The following HPSE2 variants were observed in gnomAD, a reference collection of about 807,000 sequenced individuals.
HPSE2 encodes heparanase 2 (inactive), also known as inactive heparanase-2.
A neutral mutation model predicts 60.5 loss-of-function variants in HPSE2; 38 were observed. The observed-to-expected ratio is 0.63, with a 90% confidence interval of 0.48 to 0.82. HPSE2 has a LOEUF of 0.82. HPSE2 is among the 40% of genes least tolerant of loss of function. The pLI, the probability that HPSE2 is intolerant of heterozygous loss-of-function variation, is 0.00. For missense variants in HPSE2, 713 were observed against 740.4 expected (o/e 0.96, Z 0.43); for synonymous variants, 295 against 293.2 (o/e 1.01, Z -0.06).
rs555128857 is a variant in HPSE2 at position 98,807,953 on chromosome 10, T to A, written c.611-63897A>T. On this transcript the variant is annotated intron_variant, in intron 3 of 11. Transcript: ENST00000370552. Reference sequence around the variant, plus strand: ...TGAAGGACACAGGAAAATGCTGACTTCTTCTAGGTCACTGCTCAACCTATG... The same window carrying A: ...TGAAGGACACAGGAAAATGCTGACTACTTCTAGGTCACTGCTCAACCTATG... Among the ~76,000 whole-genome samples the A allele has an allele frequency of 3.3e-5, 5 of 152,212 alleles. No individual in the cohort carries two copies. In the South Asian group the frequency reaches 1.0e-3, roughly 32 times the overall value.
chr10:98,851,588 T>G (rs1952175161), intron 3 of HPSE2, among the ~76,000 whole-genome samples: 1 of 152,206 alleles, frequency 6.6e-6, no homozygotes, highest in South Asian at 2.1e-4. Context: ...TTCACCACTG[T>G]GTCTTCTTTC....
At chr10:98,591,011 G>C (rs1286700287) in intron 9 of HPSE2, among the ~76,000 whole-genome samples, 2 of 152,084 alleles carry the variant, frequency 1.3e-5, no homozygotes, top group African/African-American at 4.8e-5. Flanking sequence ...CAGTCAACAA[G>C]GGATGTAAAT....
At chr10:98,704,107 T>A (rs1057440042) in intron 5 of HPSE2, among the ~76,000 whole-genome samples, 3 of 152,234 alleles carry the variant, frequency 2.0e-5, no homozygotes, top group Admixed American at 1.3e-4. Context: ...ATCACAAGCA[T>A]TCCTATACAC....
intron 9 of HPSE2, among the ~76,000 whole-genome samples, chr10:98,568,239 T>C (rs669987): frequency 0.85 from 129,328 of 152,206 alleles, 56,214 homozygotes; most frequent in East Asian, 1. Flanking sequence ...AAATGAGTCC[T>C]GGGTGAAGTC....
intron 11 of HPSE2, chr10:98,461,629 G>A: frequency 1.6e-6 from 1 of 636,002 alleles, no homozygotes; most frequent in Non-Finnish European, 2.7e-6. Flanking sequence ...CCAGATATAA[G>A]CACAGTCAAA....
At chr10:99,273,221 G>A in the HPSE2 span, among the ~76,000 whole-genome samples, 1 of 152,136 alleles carries the variant, frequency 6.6e-6, no homozygotes, top group African/African-American at 2.4e-5. Flanking sequence ...AAGTTGTGAG[G>A]ATGCAAAGGC....
At chr10:98,611,454 G>A (rs534262191) in intron 9 of HPSE2, among the ~76,000 whole-genome samples, 64 of 152,302 alleles carry the variant, frequency 4.2e-4, no homozygotes, top group African/African-American at 1.5e-3. Context: ...TTATTCAAAA[G>A]CACTAGTTTT....
chr10:99,232,456 G>C lies in HPSE2; in HGVS notation c.340C>G (p.Arg114Gly). 1 of 1,559,008 alleles carries C rather than the reference G, an allele frequency of 6.4e-7. No individual in the cohort carries two copies. Among genetic ancestry groups the C allele is most frequent in the South Asian group, 1.2e-5 (1 of 84,594 alleles). ...AAGTCGGTCCTTTTGCCCCCGAAGC[G>C]CAGAAAGGCGGGCGAAAGTCCCCGG... ...LARGLSPAFL[R>G]FGGKRTDFLQ... Residue 114 changes from arginine to glycine, a missense_variant, in exon 2 of 12, where the codon CGC (arginine) becomes GGC (glycine). Arg to Gly is a moderately radical substitution (Grantham distance 125, BLOSUM62 -2). Transcript: ENST00000370552.
At chr10:99,242,566 C>T in the HPSE2 span, among the ~76,000 whole-genome samples, 2 of 152,202 alleles carry the variant, frequency 1.3e-5, no homozygotes, top group East Asian at 3.9e-4. Context: ...ATTAAAATTA[C>T]TCATGTCTTA....
At chr10:99,256,111 C>T in the HPSE2 span, among the ~76,000 whole-genome samples, 1 of 151,592 alleles carries the variant, frequency 6.6e-6, no homozygotes, top group African/African-American at 2.4e-5. Flanking sequence ...GAGATCTGCC[C>T]CCATGATCCA....
the HPSE2 span, among the ~76,000 whole-genome samples, chr10:99,272,193 CCGGGAGGTAGAGGTTG>C: frequency 6.6e-6 from 1 of 151,486 alleles, no homozygotes; most frequent in South Asian, 2.1e-4. Context: ...TTGCTTGAAC[CCGGGAGGTAGAGGTTG>C]CAGTGAGCCC....
intron 3 of HPSE2, among the ~76,000 whole-genome samples, chr10:98,842,085 C>T (rs1951928054): frequency 1.3e-5 from 2 of 152,150 alleles, no homozygotes; most frequent in South Asian, 2.1e-4. Flanking sequence ...GGATTACAGG[C>T]GTGCCACCGC....
At chr10:98,513,242 A>G (rs1273766647) in intron 9 of HPSE2, among the ~76,000 whole-genome samples, 1 of 152,114 alleles carries the variant, frequency 6.6e-6, no homozygotes, top group Non-Finnish European at 1.5e-5. Flanking sequence ...CTATGGCTGG[A>G]CTTTAGGTAA....
intron 9 of HPSE2, among the ~76,000 whole-genome samples, chr10:98,561,164 T>TG (rs1442981058): frequency 1.2e-4 from 6 of 49,410 alleles, no homozygotes; most frequent in Admixed American, 3.2e-4. Context: ...TTTTTTTTTT[T>TG]GTTCTTTTTT....
At chr10:98,763,432 G>A (rs1950050242) in intron 3 of HPSE2, among the ~76,000 whole-genome samples, 1 of 151,482 alleles carries the variant, frequency 6.6e-6, no homozygotes, top group South Asian at 2.1e-4. Context: ...TTAAATCCAA[G>A]TATAAAGAAA....
chr10:99,262,328 C>T, the HPSE2 span, among the ~76,000 whole-genome samples: 1 of 152,174 alleles, frequency 6.6e-6, no homozygotes, highest in East Asian at 1.9e-4. Flanking sequence ...GTTATCCCTA[C>T]CTGCCCAGCT....
intron 7 of HPSE2, among the ~76,000 whole-genome samples, chr10:98,628,620 A>G (rs1298725259): frequency 8.5e-5 from 13 of 152,148 alleles, no homozygotes; most frequent in Admixed American, 8.5e-4. Context: ...TCTGTTCCCA[A>G]ATAGACTTCA....
intron 2 of HPSE2, among the ~76,000 whole-genome samples, chr10:99,159,349 A>G (rs1436130799): frequency 6.6e-6 from 1 of 152,222 alleles, no homozygotes; most frequent in Non-Finnish European, 1.5e-5. Flanking sequence ...AAATGAGAAA[A>G]TTATAATGAT....
intron 9 of HPSE2, among the ~76,000 whole-genome samples, chr10:98,528,999 C>A (rs1591318348): frequency 6.6e-6 from 1 of 152,218 alleles, no homozygotes; most frequent in African/African-American, 2.4e-5. Flanking sequence ...TTATGGTACG[C>A]CCTGGGCTTA....
Sources: gnomAD v4.1 joint callset for allele counts (sites outside exome capture counted in the v4.1 genomes callset) on GRCh38, gnomAD v4.1.1 for gene constraint, MANE v1.5 for transcripts, NCBI Gene and HGNC (gene_info 2026-07-23, HGNC 2026-07-21) for gene names.